The following ATRNL1 variants were observed in gnomAD, a reference collection of about 807,000 sequenced individuals.
ATRNL1 encodes attractin like 1.
A neutral mutation model predicts 182.7 loss-of-function variants in ATRNL1; 95 were observed. The observed-to-expected ratio is 0.52, with a 90% confidence interval of 0.44 to 0.62. ATRNL1 has a LOEUF of 0.62. Ranked by LOEUF, ATRNL1 falls within the 20% of genes least tolerant of loss-of-function variation. The pLI is 0.00. For synonymous variants in ATRNL1, 576 were observed against 568.3 expected (o/e 1.01, Z -0.19); for missense variants, 1,471 against 1,679.5 (o/e 0.88, Z 2.17).
At chr10:115,557,727 C>T (rs73375305) in intron 26 of ATRNL1, among the ~76,000 whole-genome samples, 1,948 of 152,072 alleles carry the variant, frequency 0.013, 33 homozygotes, top group African/African-American at 0.044. Context: ...AGACAAACAA[C>T]GCTAACTAGT....
chr10:115,146,814 T>TG (rs1237896189), intron 5 of ATRNL1, among the ~76,000 whole-genome samples: 2 of 151,860 alleles, frequency 1.3e-5, no homozygotes, highest in Non-Finnish European at 2.9e-5. Context: ...TTTTTTTTTT[T>TG]TGTGGCTGAC....
intron 26 of ATRNL1, among the ~76,000 whole-genome samples, chr10:115,604,732 C>T: frequency 6.6e-6 from 1 of 152,138 alleles, no homozygotes; most frequent in East Asian, 1.9e-4. Context: ...TGTTTCCCTT[C>T]TCTAAAGAAT....
intron 26 of ATRNL1, among the ~76,000 whole-genome samples, chr10:115,571,542 T>G (rs1389958721): frequency 2.0e-5 from 3 of 152,152 alleles, no homozygotes; most frequent in Non-Finnish European, 4.4e-5. Flanking sequence ...TTGTAAGTAT[T>G]GAGACCTTCC....
chr10:115,272,389 T>A (rs1851905998), intron 13 of ATRNL1, among the ~76,000 whole-genome samples: 1 of 152,162 alleles, frequency 6.6e-6, no homozygotes, highest in Admixed American at 6.5e-5. Context: ...GCACAGTAAC[T>A]CTTCTTTGAC....
intron 8 of ATRNL1, among the ~76,000 whole-genome samples, chr10:115,206,116 G>A (rs1211933045): frequency 6.6e-6 from 1 of 151,974 alleles, no homozygotes; most frequent in Non-Finnish European, 1.5e-5. Flanking sequence ...ATAATTATTA[G>A]CACTTAAAAA....
intron 5 of ATRNL1, among the ~76,000 whole-genome samples, chr10:115,140,256 G>A (rs781934289): frequency 5.3e-5 from 8 of 152,138 alleles, no homozygotes; most frequent in Non-Finnish European, 1.0e-4. Flanking sequence ...AGTGAAAGAG[G>A]TTCTCTTTCT....
chr10:115,107,831 T>A (rs552502443), intron 1 of ATRNL1, among the ~76,000 whole-genome samples: 200 of 152,270 alleles, frequency 1.3e-3, no homozygotes, highest in African/African-American at 4.5e-3. Context: ...GCTTGAACAG[T>A]GACTGGGGAG....
intron 26 of ATRNL1, among the ~76,000 whole-genome samples, chr10:115,569,519 A>C (rs1052096040): frequency 6.6e-6 from 1 of 152,174 alleles, no homozygotes; most frequent in Admixed American, 6.5e-5. Flanking sequence ...CTACCTGCTA[A>C]GTGGGAAATG....
At chr10:115,867,199 G>A in intron 28 of ATRNL1, among the ~76,000 whole-genome samples, 1 of 152,044 alleles carries the variant, frequency 6.6e-6, no homozygotes, top group East Asian at 1.9e-4. Flanking sequence ...GGTAATGTAA[G>A]AATTACCTAG....
intron 26 of ATRNL1, among the ~76,000 whole-genome samples, chr10:115,620,832 T>A (rs1451584675): frequency 2.0e-5 from 3 of 152,236 alleles, no homozygotes; most frequent in Non-Finnish European, 4.4e-5. Context: ...ATAGCTTTCA[T>A]TTTAGAATTT....
chr10:115,152,622 G>C (rs1259051849), intron 5 of ATRNL1, among the ~76,000 whole-genome samples: 1 of 152,170 alleles, frequency 6.6e-6, no homozygotes, highest in Non-Finnish European at 1.5e-5. Context: ...GGGCTGAGAT[G>C]ATGGGGTTTT....
intron 19 of ATRNL1, among the ~76,000 whole-genome samples, chr10:115,368,332 C>A (rs1857183257): frequency 6.6e-6 from 1 of 152,240 alleles, no homozygotes; most frequent in African/African-American, 2.4e-5. Flanking sequence ...AAAGGGAACT[C>A]CCTGACCCTT....
intron 8 of ATRNL1, among the ~76,000 whole-genome samples, chr10:115,178,222 T>G (rs1554887190): frequency 6.6e-6 from 1 of 152,014 alleles, no homozygotes; most frequent in African/African-American, 2.4e-5. Context: ...GGACGGGAAA[T>G]TTTTTGTGAG....
At chr10:115,268,305 C>T (rs199529823) in intron 12 of ATRNL1, 21 bp from the exon 13 acceptor site, 86 of 1,361,648 alleles carry the variant, frequency 6.3e-5, no homozygotes, top group Admixed American at 2.5e-4. Context: ...GCTGATATAT[C>T]GTCCCCCATT....
At chr10:115,508,174 C>T (rs570649673) in intron 24 of ATRNL1, among the ~76,000 whole-genome samples, 8 of 151,898 alleles carry the variant, frequency 5.3e-5, no homozygotes, top group Admixed American at 1.3e-4. Context: ...CAGTGCTCCT[C>T]GATGTTACTT....
chr10:115,563,522 G>GT (rs1296905462), intron 26 of ATRNL1, among the ~76,000 whole-genome samples: 2 of 151,976 alleles, frequency 1.3e-5, no homozygotes, highest in Admixed American at 6.6e-5. Flanking sequence ...GAATTCAGCA[G>GT]TATGTATTTT....
chr10:115,469,370 A>T (rs914717390), intron 24 of ATRNL1, 41 bp downstream of exon 24: 1 of 1,294,838 alleles, frequency 7.7e-7, no homozygotes, highest in Non-Finnish European at 1.0e-6. Context: ...CCATAATATC[A>T]TTAAGAAAAG....
At chr10:115,774,680 C>T (rs991453021) in intron 27 of ATRNL1, among the ~76,000 whole-genome samples, 1 of 152,072 alleles carries the variant, frequency 6.6e-6, no homozygotes, top group East Asian at 1.9e-4. Flanking sequence ...CAATAAGATA[C>T]GTATTCTCTA....
intron 17 of ATRNL1, among the ~76,000 whole-genome samples, chr10:115,304,439 G>A (rs1199834825): frequency 6.6e-6 from 1 of 152,170 alleles, no homozygotes; most frequent in Non-Finnish European, 1.5e-5. Context: ...CGTTGAATTA[G>A]ATTAAACAAT....
Sources: gnomAD v4.1 joint callset for allele counts (sites outside exome capture counted in the v4.1 genomes callset) on GRCh38, gnomAD v4.1.1 for gene constraint, MANE v1.5 for transcripts, NCBI Gene and HGNC (gene_info 2026-07-23, HGNC 2026-07-21) for gene names.